ABAT: variants seen among roughly 807,000 people sequenced by gnomAD.
ABAT encodes the protein 4-aminobutyrate aminotransferase, mitochondrial.
Under a neutral mutation model 64.6 loss-of-function variants are expected in ABAT, and 45 were observed. That is an observed-to-expected ratio of 0.70 (90% CI 0.55 to 0.89). ABAT has a LOEUF of 0.89. Ranked by LOEUF, ABAT falls within the 40% of genes least tolerant of loss-of-function variation. The pLI is 0.00. For synonymous variants in ABAT, 297 were observed against 250.5 expected (o/e 1.19, Z -1.75); for missense variants, 633 against 658.4 (o/e 0.96, Z 0.42).
intron 1 of ABAT, among the ~76,000 whole-genome samples, chr16:8,689,112 G>T (rs961083160): frequency 6.6e-6 from 1 of 150,492 alleles, no homozygotes. Context: ...AACGTCATTT[G>T]TGTTGTTTCT....
chr16:8,763,774 A>C (rs1420526969), intron 6 of ABAT, among the ~76,000 whole-genome samples: 1 of 152,202 alleles, frequency 6.6e-6, no homozygotes, highest in Non-Finnish European at 1.5e-5. Flanking sequence ...AAACCAGTAC[A>C]AAGAGCCCCA....
intron 1 of ABAT, among the ~76,000 whole-genome samples, chr16:8,721,434 T>TG (rs2058368746): frequency 6.6e-6 from 1 of 152,180 alleles, no homozygotes; most frequent in Admixed American, 6.5e-5. Context: ...GTCACACCTG[T>TG]GAGACTCAGA....
chr16:8,757,422 C>G (rs1300272556), intron 5 of ABAT: 1 of 365,150 alleles, frequency 2.7e-6, no homozygotes, highest in Non-Finnish European at 5.3e-6. Context: ...CCCGCCTTGG[C>G]CTCCCGAAGT....
At chr16:8,762,306 C>T (rs758916898) in intron 6 of ABAT, among the ~76,000 whole-genome samples, 6 of 152,206 alleles carry the variant, frequency 3.9e-5, no homozygotes, top group Non-Finnish European at 7.3e-5. Context: ...AGACACCTGC[C>T]ATCCTATGAC....
At position 8,725,648 on chromosome 16, in the gene ABAT, T is replaced by C. The variant is rs1188233841; in HGVS notation, c.-41-10051T>C. Among the ~76,000 whole-genome samples the C allele has an allele frequency of 3.3e-5, 5 of 152,228 alleles. No homozygotes were observed. In the East Asian group the frequency reaches 9.6e-4, roughly 29 times the overall value. On this transcript the variant is annotated intron_variant, in intron 1 of 15. Transcript: ENST00000268251. ...ATCGACATCTGGGCTTTTTCTACCT[T>C]TCGGCGCTTGTGAATAGTGCTGCTA... is the stretch of plus-strand genomic sequence containing the variant.
chr16:8,722,030 A>C (rs1015961203), intron 1 of ABAT, among the ~76,000 whole-genome samples: 3 of 152,128 alleles, frequency 2.0e-5, no homozygotes, highest in African/African-American at 4.8e-5. Flanking sequence ...GACAATTCCT[A>C]TTCTGTTTGA....
At position 8,764,101 on chromosome 16, in the gene ABAT, C is replaced by T. The variant is rs1272415972; in HGVS notation, c.399C>T (p.Ile133=). 3 of 1,613,774 alleles carry T rather than the reference C, an allele frequency of 1.9e-6. 1 individual carries two copies. ...SMFVNRPALG[I]LPPENFVEKL... ...TTGTCAACAGACCCGCCCTCGGAATCCTGCCTCCGGAGAACTTTGTGGAGA... is the reference window on the plus strand; with the variant it reads ...TTGTCAACAGACCCGCCCTCGGAATTCTGCCTCCGGAGAACTTTGTGGAGA... Residue 133 remains isoleucine (I), a synonymous_variant, in exon 7 of 16, where the codon ATC becomes ATT. Coordinates refer to ENST00000268251, the MANE Select transcript of ABAT (RefSeq NM_020686.6). This position sits in a 1 kb window ranked among gnomAD's most constrained non-coding sequence, Gnocchi z 4.2.
chr16:8,707,353 ATTTT>A (rs386384172), intron 1 of ABAT, among the ~76,000 whole-genome samples: 2 of 123,946 alleles, frequency 1.6e-5, no homozygotes, highest in Admixed American at 8.5e-5. Context: ...TGCCAGGGTA[ATTTT>A]TTTTTTTTTT....
intron 1 of ABAT, chr16:8,722,690 C>A: frequency 4.8e-6 from 3 of 631,034 alleles, no homozygotes; most frequent in Non-Finnish European, 7.1e-6. Flanking sequence ...CCTCCTTGGT[C>A]ACAATTTCAT....
chr16:8,780,018 C>T (rs2060387237), intron 15 of ABAT, among the ~76,000 whole-genome samples: 1 of 152,300 alleles, frequency 6.6e-6, no homozygotes, highest in South Asian at 2.1e-4. Flanking sequence ...TCAGGGCAGG[C>T]TCCCTTGAGG....
At chr16:8,741,544 G>T (rs2059161650) in intron 2 of ABAT, among the ~76,000 whole-genome samples, 1 of 152,200 alleles carries the variant, frequency 6.6e-6, no homozygotes, top group Non-Finnish European at 1.5e-5. Flanking sequence ...CATGTAAATT[G>T]CTCCAGATGA....
intron 1 of ABAT, among the ~76,000 whole-genome samples, chr16:8,694,601 C>T (rs1257519511): frequency 6.6e-6 from 1 of 151,330 alleles, no homozygotes; most frequent in East Asian, 2.0e-4. Flanking sequence ...TGGTCTGGAA[C>T]TCCTGGGCTC....
intron 2 of ABAT, among the ~76,000 whole-genome samples, chr16:8,740,491 C>T (rs972348221): frequency 3.3e-5 from 5 of 152,156 alleles, no homozygotes; most frequent in African/African-American, 1.2e-4. Flanking sequence ...CTCTCAGTTC[C>T]TTGATACGTG....
chr16:8,676,644 G>C (rs2057209459), intron 1 of ABAT, among the ~76,000 whole-genome samples: 1 of 152,212 alleles, frequency 6.6e-6, no homozygotes, highest in Non-Finnish European at 1.5e-5. Context: ...ACTGACCCAG[G>C]ATAGCTAATA....
intron 1 of ABAT, among the ~76,000 whole-genome samples, chr16:8,677,324 G>A: frequency 6.6e-6 from 1 of 152,228 alleles, no homozygotes; most frequent in East Asian, 1.9e-4. Context: ...CCAGGGCCAA[G>A]GTGCCTGGGG....
chr16:8,778,306 T>C (rs372597775), intron 14 of ABAT, among the ~76,000 whole-genome samples: 1 of 152,196 alleles, frequency 6.6e-6, no homozygotes. Flanking sequence ...CAGAGTTGGC[T>C]CCTTCTCGAG....
At chr16:8,757,683 G>A (rs2059686657) in intron 5 of ABAT, 74 bp from the exon 6 acceptor site, 2 of 1,442,996 alleles carry the variant, frequency 1.4e-6, no homozygotes, top group Non-Finnish European at 2.0e-6. Context: ...GAAGGGAGAG[G>A]GAAGGAGAGG....
chr16:8,713,852 G>A (rs535908432), intron 1 of ABAT: 18 of 455,944 alleles, frequency 3.9e-5, no homozygotes, highest in Admixed American at 1.9e-4. Flanking sequence ...GCAGGACTCC[G>A]ACTACCAGGC....
At chr16:8,699,289 T>C (rs1254070281) in intron 1 of ABAT, among the ~76,000 whole-genome samples, 2 of 152,124 alleles carry the variant, frequency 1.3e-5, no homozygotes, top group African/African-American at 4.8e-5. Context: ...ACTTGAGTAG[T>C]GATTACTTCA....
Sources: gnomAD v4.1 joint callset for allele counts (sites outside exome capture counted in the v4.1 genomes callset) on GRCh38, gnomAD v4.1.1 for gene constraint, Gnocchi (gnomAD v3.1) non-coding constraint, MANE v1.5 for transcripts, NCBI Gene and HGNC (gene_info 2026-07-23, HGNC 2026-07-21) for gene names.